The following RPL38 variants were observed in gnomAD, a reference collection of about 807,000 sequenced individuals.
RPL38 encodes the protein ribosomal protein L38.
A neutral mutation model predicts 12.8 loss-of-function variants in RPL38; 2 were observed. The ratio of observed to expected loss-of-function variants is 0.16; its 90% CI spans 0.06 to 0.49. The LOEUF (loss-of-function observed/expected upper bound fraction) is 0.49, where lower values mean the gene tolerates loss of function less well. RPL38 is among the 20% of genes least tolerant of loss of function. RPL38 has a pLI of 0.96. For missense variants in RPL38, 52 were observed against 79.8 expected, an observed-to-expected ratio of 0.65 and a Z score of 1.33; for synonymous variants, 42 against 30.1, an observed-to-expected ratio of 1.39 and a Z score of -1.29.
chr17:74,204,395 T>G, intron 3 of RPL38: 1 of 583,288 alleles, frequency 1.7e-6, no homozygotes, highest in South Asian at 2.0e-5. Context: ...GGACCATCTT[T>G]AGCTAATCGC....
At chr17:74,203,770 G>C in intron 1 of RPL38, 25 bp downstream of exon 1, 1 of 672,186 alleles carries the variant, frequency 1.5e-6, no homozygotes, top group Non-Finnish European at 2.5e-6. Context: ...TCCACTGCCA[G>C]GTGAAATCTG....
intron 3 of RPL38, among the ~76,000 whole-genome samples, chr17:74,206,561 G>A (rs529104913): frequency 4.6e-5 from 7 of 152,034 alleles, no homozygotes; most frequent in Non-Finnish European, 8.8e-5. Context: ...CCCAGCCCCT[G>A]GCAACCACCT....
chr17:74,203,944 C>T lies in RPL38; in HGVS notation c.-12C>T, dbSNP rs376925682. 438 of 1,605,470 alleles carry T rather than the reference C, an allele frequency of 2.7e-4. 2 individuals carry two copies. The highest frequency in any genetic ancestry group is 1.5e-4 in the Non-Finnish European group (175 of 1,174,194). Reference sequence around the variant, plus strand: ...TCCTGGTCCGCGCCAGAGCCCAGCGCGCCTCGTCGCCATGGTGAGTACAGT... The same window carrying T: ...TCCTGGTCCGCGCCAGAGCCCAGCGTGCCTCGTCGCCATGGTGAGTACAGT... On this transcript the variant is annotated 5_prime_UTR_variant, in exon 2 of 5. Transcript: ENST00000311111.
Position 74,204,114 on chromosome 17 carries a change from T to C in RPL38, c.4-16T>C, listed in dbSNP as rs1598204171. 11 of 1,614,130 alleles carry C rather than the reference T, an allele frequency of 6.8e-6. No individual in the cohort carries two copies. In the East Asian group the frequency reaches 2.5e-4, roughly 36 times the overall value. ...GTCTCTTTCCTCTCTGTTCACCCGCTTCCTTTGTGTTGCAGCCTCGGAAAA... is the reference window on the plus strand; with the variant it reads ...GTCTCTTTCCTCTCTGTTCACCCGCCTCCTTTGTGTTGCAGCCTCGGAAAA... On this transcript the variant is annotated splice_polypyrimidine_tract_variant and intron_variant, in intron 2 of 4. Coordinates refer to ENST00000311111, the MANE Select transcript of RPL38 (RefSeq NM_000999.4).
rs1348341760 is a variant in RPL38, at chr17:74,209,125, A to G, written c.65-62A>G. ...GCTTACTGCTTGAGTGTATTTGCAC[A>G]TGGACTGTGTCACATCTGTTTTCTG... On this transcript the variant is annotated intron_variant, in intron 3 of 4. Coordinates refer to ENST00000311111, the MANE Select transcript of RPL38 (RefSeq NM_000999.4). 1.6e-5 allele frequency: 26 copies of G among 1,587,404 alleles called. No individual in the cohort carries two copies. In the East Asian group the frequency reaches 5.4e-4, roughly 33 times the overall value.
chr17:74,204,807 T>A (rs1291464472), intron 3 of RPL38: 5 of 152,142 alleles, frequency 3.3e-5, no homozygotes, highest in Admixed American at 3.3e-4. Context: ...GTTCAAGCGA[T>A]CCCCCTGCCT....
intron 3 of RPL38, among the ~76,000 whole-genome samples, chr17:74,207,193 G>A (rs1299025204): frequency 1.3e-5 from 2 of 151,810 alleles, no homozygotes; most frequent in African/African-American, 4.8e-5. Context: ...TGGTGTTTTA[G>A]AGATGGATCT....
In RPL38 at chr17:74,209,890, G is replaced by C. The variant is rs149930757; in HGVS notation, c.*61G>C. 1.4e-6 allele frequency: 2 copies of C among 1,452,316 alleles called. No individual in the cohort carries two copies. Among genetic ancestry groups the C allele is most frequent in the Admixed American group, 1.7e-5 (1 of 59,380 alleles). 90.0% of individuals were successfully genotyped at this position (1,452,316 alleles called of 1,614,324 possible). A position where few individuals can be genotyped will look rare whatever the true frequency, so the allele number is the denominator to read the frequency against. On this transcript the variant is annotated 3_prime_UTR_variant, in exon 5 of 5. Coordinates refer to ENST00000311111, the MANE Select transcript of RPL38 (RefSeq NM_000999.4). Reference sequence around the variant, plus strand: ...ATACTAAAAATCCTAAGTGTCTTTCGTCTTTGCGGATGGGAAAGGGAAAAA... The same window carrying C: ...ATACTAAAAATCCTAAGTGTCTTTCCTCTTTGCGGATGGGAAAGGGAAAAA...
Position 74,210,179 on chromosome 17 carries a change from G to A in RPL38, c.*350G>A. The stretch of plus-strand genomic sequence containing the variant: ...ATTTTTGTATTTGTAGTAGAGACAG[G>A]GTTTCACTGCCTGCCTCAGCCTCCC... On this transcript the variant is annotated 3_prime_UTR_variant, in exon 5 of 5. Transcript: ENST00000311111. 1 of 198,896 alleles carries A rather than the reference G, an allele frequency of 5.0e-6. No homozygotes were observed. The highest frequency in any genetic ancestry group is 9.6e-5 in the South Asian group (1 of 10,384). The allele number at this position is 198,896 out of a possible 1,614,324, so 12.3% of individuals were successfully genotyped here. A position where few individuals can be genotyped will look rare whatever the true frequency, so the allele number is the denominator to read the frequency against.
In RPL38 at chr17:74,209,105, C is replaced by G. The variant is rs573593437; in HGVS notation, c.65-82C>G. ...GGTGCTGTCTCCTGCATGCTGCTTA[C>G]TGCTTGAGTGTATTTGCACATGGAC... On this transcript the variant is annotated intron_variant, in intron 3 of 4. Transcript: ENST00000311111. 1.5e-5 allele frequency: 22 copies of G among 1,477,784 alleles called. No individual in the cohort carries two copies. The East Asian group carries it at 5.0e-4, about 33-fold the overall frequency. The allele number at this position is 1,477,784 out of a possible 1,614,324, so 91.5% of individuals were successfully genotyped here.
At chr17:74,207,847 T>C (rs960839819) in intron 3 of RPL38, among the ~76,000 whole-genome samples, 2 of 152,158 alleles carry the variant, frequency 1.3e-5, no homozygotes, top group South Asian at 2.1e-4. Flanking sequence ...TTACAAGTGG[T>C]GTTCAGCTTA....
intron 3 of RPL38, among the ~76,000 whole-genome samples, chr17:74,206,798 C>T (rs1202383194): frequency 2.0e-5 from 3 of 149,210 alleles, no homozygotes; most frequent in African/African-American, 2.5e-5. Context: ...CTGCAAGCTC[C>T]GCCTCCCAGG....
chr17:74,205,836 A>G (rs2050108539), intron 3 of RPL38: 1 of 152,138 alleles, frequency 6.6e-6, no homozygotes, highest in South Asian at 2.1e-4. Context: ...CCTGGGCGAC[A>G]TGGCAAAACC....
At chr17:74,209,492 A>G in intron 4 of RPL38, 183 bp downstream of exon 4, 1 of 720,516 alleles carries the variant, frequency 1.4e-6, no homozygotes, top group Non-Finnish European at 2.3e-6. Context: ...ACAGTACCAG[A>G]AATCATTTCC....
rs758386023 is a variant in RPL38 at position 74,209,302 on chromosome 17, G to GC, written c.186dup (p.Gly63ArgfsTer14). 3.7e-6 allele frequency: 6 copies of GC among 1,613,996 alleles called. No individual in the cohort carries two copies. Among genetic ancestry groups the GC allele is most frequent in the Admixed American group, 1.7e-5 (1 of 59,964 alleles). On this transcript the variant is annotated frameshift_variant, in exon 4 of 5. Transcript: ENST00000311111. LOFTEE classifies it high-confidence loss of function. ...AGGCAGAGAAACTGAAGCAGTCCCT[G>GC]CCCCCCGGTGAGTGAGCCTGAAGTC...
At chr17:74,204,477 C>T in intron 3 of RPL38, 1 of 445,038 alleles carries the variant, frequency 2.2e-6, no homozygotes, top group Non-Finnish European at 4.1e-6. Context: ...ACGGAATCTC[C>T]ACTCCGCGAA....
chr17:74,204,060 T>G (rs1255812598), intron 2 of RPL38, 70 bp from the exon 3 acceptor site: 2 of 1,611,078 alleles, frequency 1.2e-6, no homozygotes, highest in Non-Finnish European at 1.7e-6. Flanking sequence ...CGGGAGAAGC[T>G]GGTGGACTGG....
At chr17:74,205,002 C>T (rs2050099181) in intron 3 of RPL38, 1 of 152,264 alleles carries the variant, frequency 6.6e-6, no homozygotes, top group African/African-American at 2.4e-5. Flanking sequence ...AAATTTGAAG[C>T]AGGGCTTCTA....
chr17:74,204,809 C>T (rs1223508361), intron 3 of RPL38: 1 of 152,128 alleles, frequency 6.6e-6, no homozygotes, highest in African/African-American at 2.4e-5. Flanking sequence ...TCAAGCGATC[C>T]CCCTGCCTCA....
Sources: allele counts gnomAD v4.1 joint callset (sites outside exome capture counted in the v4.1 genomes callset), GRCh38; gene constraint gnomAD v4.1.1; transcripts MANE v1.5; gene names NCBI Gene and HGNC (gene_info 2026-07-23, HGNC 2026-07-21).